Variants in MYO18B observed in about 807,000 individuals in gnomAD.
The protein encoded by MYO18B is unconventional myosin-XVIIIb.
A neutral mutation model predicts 273.0 loss-of-function variants in MYO18B; 204 were observed. The ratio of observed to expected loss-of-function variants is 0.75; its 90% CI spans 0.67 to 0.84. The LOEUF (loss-of-function observed/expected upper bound fraction) is 0.84. Among genes scored for constraint, MYO18B ranks in the 40% least tolerant of loss-of-function variants. The probability of loss-of-function intolerance (pLI) is 0.00; values close to 1 mark genes in which losing one functional copy is unlikely to be tolerated. For synonymous variants in MYO18B, 1,330 were observed against 1,305.7 expected, an observed-to-expected ratio of 1.02 and a Z score of -0.40; for missense variants, 3,212 against 3,287.6, an observed-to-expected ratio of 0.98 and a Z score of 0.56.
intron 42 of MYO18B, among the ~76,000 whole-genome samples, chr22:26,023,797 C>T (rs1039357771): frequency 2.6e-5 from 4 of 152,160 alleles, no homozygotes; most frequent in Admixed American, 2.6e-4. Flanking sequence ...CCTGGCAGCT[C>T]CAAGCTGTTT....
the MYO18B span, among the ~76,000 whole-genome samples, chr22:26,047,519 G>A: frequency 6.6e-6 from 1 of 152,140 alleles, no homozygotes; most frequent in Non-Finnish European, 1.5e-5. Flanking sequence ...TTCTGGAGGA[G>A]GTGTCGCCAA....
In MYO18B at chr22:25,997,976, C is replaced by CGAGAGAGAGAGAG. The variant is rs1381007559; in HGVS notation, c.6288-5289_6288-5288insGAGAGAGAGAGAG. ...ACACACAAACACACACACACACACA[C>CGAGAGAGAGAGAG]ACGAGAGAGAGAGAGAGAGAGAGAG... On this transcript the variant is annotated intron_variant, in intron 40 of 43. Coordinates refer to ENST00000335473, the MANE Select transcript of MYO18B (RefSeq NM_032608.7). Among the ~76,000 whole-genome samples the CGAGAGAGAGAGAG allele has an allele frequency of 5.0e-4, 61 of 121,272 alleles. 1 individual carries two copies. The highest frequency in any genetic ancestry group is 1.9e-3 in the African/African-American group (61 of 32,246). 79.6% of individuals were successfully genotyped at this position (121,272 alleles called of 152,430 possible).
At chr22:25,852,359 G>A (rs900888875) in intron 21 of MYO18B, among the ~76,000 whole-genome samples, 2 of 151,900 alleles carry the variant, frequency 1.3e-5, no homozygotes, top group Non-Finnish European at 2.9e-5. Flanking sequence ...GTGTTTTCTG[G>A]CTTACAGCAA....
chr22:25,948,472 TTCTTTCTTTCTTTC>T (rs1204781140), intron 36 of MYO18B, among the ~76,000 whole-genome samples: 27 of 140,102 alleles, frequency 1.9e-4, no homozygotes, highest in African/African-American at 5.9e-4. Context: ...CTTTCTTTCT[TTCTTTCTTTCTTTC>T]TCTTTCTTTC....
At chr22:25,931,314 T>C (rs1447214322) in intron 34 of MYO18B, among the ~76,000 whole-genome samples, 1 of 152,180 alleles carries the variant, frequency 6.6e-6, no homozygotes, top group African/African-American at 2.4e-5. Flanking sequence ...CTGGTTTCAT[T>C]ATAGGCAAGA....
chr22:26,038,006 C>T, the MYO18B span, among the ~76,000 whole-genome samples: 4 of 152,238 alleles, frequency 2.6e-5, no homozygotes, highest in South Asian at 2.1e-4. Flanking sequence ...CCAGCTGGTA[C>T]AAGTACATTA....
At chr22:25,749,187 A>C (rs1263110330) in intron 1 of MYO18B, among the ~76,000 whole-genome samples, 1 of 152,198 alleles carries the variant, frequency 6.6e-6, no homozygotes, top group Non-Finnish European at 1.5e-5. Flanking sequence ...TCAAGGGCCC[A>C]CTAGAAAACA....
the MYO18B span, among the ~76,000 whole-genome samples, chr22:26,039,388 AT>A: frequency 1.3e-5 from 2 of 152,186 alleles, no homozygotes; most frequent in African/African-American, 4.8e-5. Context: ...TGGAACACTC[AT>A]TTATTCATTC....
chr22:26,027,427 C>G lies in MYO18B; in HGVS notation c.7453C>G (p.Leu2485Val), dbSNP rs1437779959. 20 of 1,613,872 alleles carry G rather than the reference C, an allele frequency of 1.2e-5. No homozygotes were observed. Among genetic ancestry groups the G allele is most frequent in the Non-Finnish European group, 1.7e-5 (20 of 1,179,894 alleles). ...FETEEANRSF[L>V]SGIKTILKKS... Reference sequence around the variant, plus strand: ...AACGGAAGAGGCTAACCGTTCCTTTCTCTCGGGGATCAAGACCATTTTGAA... The same window carrying G: ...AACGGAAGAGGCTAACCGTTCCTTTGTCTCGGGGATCAAGACCATTTTGAA... Residue 2485 changes from leucine to valine, a missense_variant, in exon 43 of 44, where the codon CTC becomes GTC. Physicochemically the swap from Leu to Val is conservative, Grantham distance 32. Transcript: ENST00000335473. The surrounding 1 kb of genome is among the most constrained non-coding windows in gnomAD (Gnocchi z 4.1).
At chr22:25,985,601 T>C (rs961322907) in intron 39 of MYO18B, among the ~76,000 whole-genome samples, 5 of 152,088 alleles carry the variant, frequency 3.3e-5, no homozygotes, top group African/African-American at 1.2e-4. Flanking sequence ...TTTGAGCTCT[T>C]GCTGGAACAC....
chr22:25,919,683 T>C (rs1294936387), intron 33 of MYO18B, among the ~76,000 whole-genome samples: 1 of 129,720 alleles, frequency 7.7e-6, no homozygotes, highest in Non-Finnish European at 1.7e-5. Context: ...TGTGTATGTG[T>C]GTGTGTGTGT....
At chr22:25,833,133 G>C in intron 16 of MYO18B, 136 bp downstream of exon 16, 1 of 760,628 alleles carries the variant, frequency 1.3e-6, no homozygotes, top group Non-Finnish European at 2.2e-6. Context: ...TTGGCAACGT[G>C]GATGCCTGGG....
chr22:25,859,434 T>C (rs2090666935), intron 21 of MYO18B, among the ~76,000 whole-genome samples: 1 of 152,246 alleles, frequency 6.6e-6, no homozygotes, highest in Admixed American at 6.5e-5. Flanking sequence ...CTTTTAAATA[T>C]AACTTTTAAA....
rs1232884474 is a variant in MYO18B, at chr22:25,803,553, T to C, written c.2521+5456T>C. On this transcript the variant is annotated intron_variant, in intron 12 of 43. Transcript: ENST00000335473. ...GCCCAGAGGCAGAGCGGTTCTGTGA[T>C]GGGTCAAGTATGTATGTGTATGCCA... Among the ~76,000 whole-genome samples, 8 of 152,270 alleles carry C rather than the reference T, an allele frequency of 5.3e-5. No individual in the cohort carries two copies. The East Asian group carries it at 1.5e-3, about 29-fold the overall frequency.
At chr22:26,004,646 T>C in intron 41 of MYO18B, 72 bp from the exon 42 acceptor site, 3 of 1,570,108 alleles carry the variant, frequency 1.9e-6, no homozygotes, top group Non-Finnish European at 2.6e-6. Context: ...GCTTATGCTA[T>C]GGGTGAATAT....
At chr22:25,971,793 A>G (rs1478204447) in intron 39 of MYO18B, among the ~76,000 whole-genome samples, 4 of 152,174 alleles carry the variant, frequency 2.6e-5, no homozygotes, top group Non-Finnish European at 5.9e-5. Flanking sequence ...GACATTAAAG[A>G]CTTGTTGTCT....
intron 42 of MYO18B, among the ~76,000 whole-genome samples, chr22:26,011,371 C>T (rs962386116): frequency 5.3e-5 from 8 of 152,300 alleles, no homozygotes; most frequent in African/African-American, 1.9e-4. Context: ...GTCTTCTCAC[C>T]TGGCTCTTGG....
chr22:26,024,979 C>T (rs1250417799), intron 42 of MYO18B, among the ~76,000 whole-genome samples: 1 of 152,190 alleles, frequency 6.6e-6, no homozygotes. Context: ...TGTCATCACA[C>T]AGTGGAAGGG....
At chr22:25,955,089 C>T (rs2092833352) in intron 38 of MYO18B, 90 bp from the exon 39 acceptor site, 2 of 1,336,990 alleles carry the variant, frequency 1.5e-6, no homozygotes, top group Admixed American at 2.9e-5. Context: ...ACACAGGAAA[C>T]TCGGCAAAGG....
Sources: allele counts gnomAD v4.1 joint callset (sites outside exome capture counted in the v4.1 genomes callset), GRCh38; gene constraint gnomAD v4.1.1; non-coding constraint Gnocchi (gnomAD v3.1); transcripts MANE v1.5; gene names NCBI Gene and HGNC (gene_info 2026-07-23, HGNC 2026-07-21).